Variants in UBE2Q2 observed in about 807,000 individuals in gnomAD.
UBE2Q2 encodes the protein ubiquitin-conjugating enzyme E2 Q2.
UBE2Q2 carries 54 observed loss-of-function variants against 59.9 expected under a neutral mutation model. The observed-to-expected ratio is 0.90, with a 90% CI of 0.72 to 1.13. The LOEUF is 1.13. UBE2Q2 is among the 50% of genes most tolerant of loss of function. The probability of loss-of-function intolerance (pLI) is 0.00; values close to 1 mark genes in which losing one functional copy is unlikely to be tolerated. For synonymous variants in UBE2Q2, 165 were observed against 155.2 expected, an observed-to-expected ratio of 1.06 and a Z score of -0.47; for missense variants, 433 against 441.9, an observed-to-expected ratio of 0.98 and a Z score of 0.18.
chr15:75,856,799 C>G (rs1039763523), intron 2 of UBE2Q2, among the ~76,000 whole-genome samples: 3 of 151,986 alleles, frequency 2.0e-5, no homozygotes, highest in African/African-American at 7.3e-5. Context: ...CAAAATTTAG[C>G]CGGGTGTGGT....
intron 8 of UBE2Q2, among the ~76,000 whole-genome samples, chr15:75,880,065 A>G (rs1156519260): frequency 2.6e-5 from 4 of 152,000 alleles, no homozygotes; most frequent in Admixed American, 6.6e-5. Flanking sequence ...TCTATATTTT[A>G]TGTACTTTTC....
chr15:75,887,459 A>G (rs1595894339), intron 9 of UBE2Q2, among the ~76,000 whole-genome samples: 1 of 152,226 alleles, frequency 6.6e-6, no homozygotes, highest in Non-Finnish European at 1.5e-5. Flanking sequence ...ATACCAGACC[A>G]GTTTGAGCTA....
chr15:75,844,453 C>T, intron 1 of UBE2Q2: 4 of 1,551,566 alleles, frequency 2.6e-6, no homozygotes, highest in Non-Finnish European at 3.5e-6. Flanking sequence ...CTGCTGTGTT[C>T]TGGAAAGGAG....
Position 75,882,416 on chromosome 15 carries a change from G to A in UBE2Q2, c.826-950G>A, listed in dbSNP as rs144030980. On this transcript the variant is annotated intron_variant, in intron 8 of 12. Transcript: ENST00000267938. The stretch of plus-strand genomic sequence containing the variant: ...GTATAGACTTTATGGAATAGAGCCC[G>A]CAGATTTTGATGTAGAAGAGTTATT... Among the ~76,000 whole-genome samples, 967 of 152,168 alleles carry A rather than the reference G, an allele frequency of 6.4e-3. 5 individuals are homozygous for A. Among genetic ancestry groups the A allele is most frequent in the Non-Finnish European group, 8.6e-3 (585 of 68,006 alleles).
In UBE2Q2 at chr15:75,859,922, A is replaced by G. The variant is rs1304836436; in HGVS notation, c.327A>G (p.Leu109=). Residue 109 remains leucine, a synonymous_variant, in exon 3 of 13, where the codon TTA becomes TTG. Transcript: ENST00000267938. ...GGTTGATATGTGAACTCTGCAGTTT[A>G]TATAACCTTCCTAAGCACCTGGATG... ...LKWLICELCS[L]YNLPKHLDVE... is the part of the protein sequence containing the mutation. 1.2e-6 allele frequency: 2 copies of G among 1,604,506 alleles called. No homozygotes were observed. The highest frequency in any genetic ancestry group is 1.7e-6 in the Non-Finnish European group (2 of 1,177,404).
At chr15:75,863,491 T>G (rs963482206) in intron 3 of UBE2Q2, among the ~76,000 whole-genome samples, 4 of 151,554 alleles carry the variant, frequency 2.6e-5, no homozygotes, top group Admixed American at 2.6e-4. Context: ...TCGCCCAGGG[T>G]GGAGTGCAGT....
At chr15:75,853,920 G>A (rs999949397) in intron 1 of UBE2Q2, among the ~76,000 whole-genome samples, 4 of 152,140 alleles carry the variant, frequency 2.6e-5, no homozygotes, top group African/African-American at 9.7e-5. Flanking sequence ...TCTCCATAGG[G>A]CACCTCATCA....
chr15:75,861,486 A>G (rs1897206018), intron 3 of UBE2Q2, among the ~76,000 whole-genome samples: 1 of 152,170 alleles, frequency 6.6e-6, no homozygotes, highest in South Asian at 2.1e-4. Flanking sequence ...CCAAATGGAT[A>G]GGCCTATGGA....
At chr15:75,894,808 T>C (rs903511019) in intron 11 of UBE2Q2, among the ~76,000 whole-genome samples, 2 of 152,154 alleles carry the variant, frequency 1.3e-5, no homozygotes, top group African/African-American at 4.8e-5. Context: ...GCAGTAGGGT[T>C]GGAAAGTGAC....
At chr15:75,883,716 A>G (rs1316553773) in intron 9 of UBE2Q2, among the ~76,000 whole-genome samples, 1 of 152,104 alleles carries the variant, frequency 6.6e-6, no homozygotes, top group Non-Finnish European at 1.5e-5. Context: ...TACATTTTTA[A>G]GAAGTTTCCA....
intron 4 of UBE2Q2, among the ~76,000 whole-genome samples, chr15:75,872,849 A>G (rs1164187584): frequency 1.3e-5 from 2 of 151,204 alleles, no homozygotes; most frequent in East Asian, 1.9e-4. Context: ...ATTTCAGCGT[A>G]ACTGAAATTC....
chr15:75,847,307 G>T (rs1180205055), intron 1 of UBE2Q2, among the ~76,000 whole-genome samples: 2 of 152,160 alleles, frequency 1.3e-5, no homozygotes, highest in Non-Finnish European at 2.9e-5. Context: ...TCAATAACTT[G>T]TCATGGATAG....
intron 12 of UBE2Q2, among the ~76,000 whole-genome samples, chr15:75,897,598 CTT>C (rs759708761): frequency 5.9e-5 from 8 of 135,544 alleles, no homozygotes; most frequent in Admixed American, 7.4e-5. Context: ...ATCAAGATTT[CTT>C]TTTTTTTTTT....
At chr15:75,880,717 T>C (rs1473067359) in intron 8 of UBE2Q2, among the ~76,000 whole-genome samples, 1 of 152,116 alleles carries the variant, frequency 6.6e-6, no homozygotes, top group African/African-American at 2.4e-5. Flanking sequence ...GCCAGGCTGG[T>C]TTTGAACTCC....
At chr15:75,870,280 T>G (rs778355748) in intron 4 of UBE2Q2, among the ~76,000 whole-genome samples, 8 of 152,158 alleles carry the variant, frequency 5.3e-5, no homozygotes, top group Non-Finnish European at 1.0e-4. Context: ...TTGTCCAGGT[T>G]CATCTCGTGA....
chr15:75,889,399 A>G (rs1246359124), intron 9 of UBE2Q2, among the ~76,000 whole-genome samples: 5 of 152,186 alleles, frequency 3.3e-5, no homozygotes, highest in Admixed American at 1.3e-4. Flanking sequence ...CACTGTAACA[A>G]TTATTAATGT....
intron 3 of UBE2Q2, among the ~76,000 whole-genome samples, chr15:75,861,426 A>G (rs1464369128): frequency 6.6e-6 from 1 of 152,340 alleles, no homozygotes; most frequent in Non-Finnish European, 1.5e-5. Context: ...CTGAAACAGC[A>G]CAACAGTATA....
chr15:75,888,432 G>A (rs1476909712), intron 9 of UBE2Q2, among the ~76,000 whole-genome samples: 1 of 152,184 alleles, frequency 6.6e-6, no homozygotes, highest in African/African-American at 2.4e-5. Context: ...AGTGTTTGCT[G>A]TACAACTTTG....
chr15:75,871,587 T>G (rs1253705417), intron 4 of UBE2Q2, among the ~76,000 whole-genome samples: 1 of 152,242 alleles, frequency 6.6e-6, no homozygotes, highest in Non-Finnish European at 1.5e-5. Context: ...TTAAGGAGCA[T>G]GCTGCCTTCA....
Sources: gnomAD v4.1 joint callset for allele counts (sites outside exome capture counted in the v4.1 genomes callset) on GRCh38, gnomAD v4.1.1 for gene constraint, MANE v1.5 for transcripts, NCBI Gene and HGNC (gene_info 2026-07-23, HGNC 2026-07-21) for gene names.